The following PLA2G5 variants were observed in gnomAD, a reference collection of about 807,000 sequenced individuals.
PLA2G5 encodes the protein phospholipase A2 group V, also known as Ca2+-dependent phospholipase A2.
In PLA2G5, 12 loss-of-function variants were observed where a neutral mutation model predicts 15.9. That is an observed-to-expected ratio of 0.76 (90% confidence interval 0.48 to 1.23). The LOEUF is 1.23. Among genes scored for constraint, PLA2G5 ranks in the 50% most tolerant of loss-of-function variants. The probability of loss-of-function intolerance (pLI) is 0.00; values close to 1 mark genes in which losing one functional copy is unlikely to be tolerated. For missense variants in PLA2G5, 169 were observed against 177.1 expected (o/e 0.95, Z 0.26); for synonymous variants, 71 against 71.4 (o/e 0.99, Z 0.03).
At chr1:20,058,381 C>T (rs1275257611) in intron 1 of PLA2G5, among the ~76,000 whole-genome samples, 1 of 152,192 alleles carries the variant, frequency 6.6e-6, no homozygotes, top group Middle Eastern at 3.4e-3. Context: ...TGTAAATGCC[C>T]CTCTTTATTC....
At chr1:20,030,685 T>C (rs1253315340) in intron 1 of PLA2G5, among the ~76,000 whole-genome samples, 1 of 152,090 alleles carries the variant, frequency 6.6e-6, no homozygotes, top group Admixed American at 6.5e-5. Context: ...CCTTGGACAA[T>C]ACCCAGGCTT....
chr1:20,061,377 G>A (rs1293796956), intron 2 of PLA2G5, among the ~76,000 whole-genome samples: 2 of 152,020 alleles, frequency 1.3e-5, no homozygotes, highest in Non-Finnish European at 2.9e-5. Context: ...TTGAGCTCAG[G>A]AGTTCGAGAT....
intron 3 of PLA2G5, among the ~76,000 whole-genome samples, chr1:20,087,164 T>C (rs768231669): frequency 5.3e-5 from 8 of 152,258 alleles, no homozygotes; most frequent in Non-Finnish European, 1.0e-4. Flanking sequence ...ATCATGGATA[T>C]ATTAGTATCA....
intron 1 of PLA2G5, chr1:20,070,990 T>C (rs7548263): frequency 6.6e-6 from 1 of 152,152 alleles, no homozygotes; most frequent in African/African-American, 2.4e-5. Flanking sequence ...TTCCTCCATC[T>C]CTCCCTCTCT....
At chr1:20,062,770 G>A (rs2014800261) in intron 2 of PLA2G5, among the ~76,000 whole-genome samples, 1 of 152,134 alleles carries the variant, frequency 6.6e-6, no homozygotes, top group Non-Finnish European at 1.5e-5. Context: ...TTGGGTGATG[G>A]ACTGGATGAA....
At chr1:20,050,440 C>A (rs2014127276) in intron 1 of PLA2G5, among the ~76,000 whole-genome samples, 1 of 152,164 alleles carries the variant, frequency 6.6e-6, no homozygotes, top group South Asian at 2.1e-4. Flanking sequence ...AAAATAAGTT[C>A]AGTTTCTCTA....
rs533509226 is a variant in PLA2G5, at chr1:20,030,149, C to T, written n.276+1440C>T. Among the ~76,000 whole-genome samples the T allele has an allele frequency of 6.7e-4, 102 of 151,420 alleles. 1 individual carries two copies. The highest frequency in any genetic ancestry group is 2.3e-3 in the African/African-American group (97 of 41,296). On this transcript the variant is annotated intron_variant and non_coding_transcript_variant, in intron 1 of 6. Coordinates refer to the PLA2G5 transcript ENST00000460175. ...GAGAAGAGTGGACCCAGGGGACCAGCGCTTAGCATACGAAGGACCAGCGCT... is the reference window on the plus strand; with the variant it reads ...GAGAAGAGTGGACCCAGGGGACCAGTGCTTAGCATACGAAGGACCAGCGCT...
chr1:20,075,648 C>G (rs1388161068), intron 1 of PLA2G5, among the ~76,000 whole-genome samples: 1 of 152,082 alleles, frequency 6.6e-6, no homozygotes, highest in East Asian at 1.9e-4. Flanking sequence ...TGAGGGCTGA[C>G]CAGTGATTCC....
At chr1:20,048,759 T>C (rs1394939718) in intron 1 of PLA2G5, among the ~76,000 whole-genome samples, 1 of 152,190 alleles carries the variant, frequency 6.6e-6, no homozygotes, top group Admixed American at 6.5e-5. Context: ...GTTCCATAAG[T>C]TTAAATGATG....
intron 1 of PLA2G5, among the ~76,000 whole-genome samples, chr1:20,048,146 A>T (rs1404940725): frequency 2.0e-5 from 3 of 152,198 alleles, no homozygotes; most frequent in Non-Finnish European, 2.9e-5. Flanking sequence ...TAATTGGCTT[A>T]AGAAAATAAA....
chr1:20,029,275 T>C (rs1453358006), intron 1 of PLA2G5, among the ~76,000 whole-genome samples: 1 of 152,146 alleles, frequency 6.6e-6, no homozygotes, highest in Non-Finnish European at 1.5e-5. Flanking sequence ...GCTGTTTTGG[T>C]GGCCTGCCAG....
At chr1:20,040,170 C>A (rs1178610542) in intron 1 of PLA2G5, among the ~76,000 whole-genome samples, 2 of 152,154 alleles carry the variant, frequency 1.3e-5, no homozygotes, top group Non-Finnish European at 1.5e-5. Context: ...CTTTACTATA[C>A]CCTTTGCTAT....
chr1:20,076,227 C>A (rs1311995519), intron 1 of PLA2G5, among the ~76,000 whole-genome samples: 1 of 151,990 alleles, frequency 6.6e-6, no homozygotes, highest in Non-Finnish European at 1.5e-5. Context: ...GCAGCTAATT[C>A]CATTTTGTTT....
intron 1 of PLA2G5, among the ~76,000 whole-genome samples, chr1:20,051,842 T>C (rs1431173240): frequency 6.6e-6 from 1 of 152,160 alleles, no homozygotes; most frequent in African/African-American, 2.4e-5. Flanking sequence ...AATGACAGTT[T>C]CTGACAGGCC....
chr1:20,059,431 A>G (rs1488674371), intron 1 of PLA2G5, among the ~76,000 whole-genome samples: 4 of 151,936 alleles, frequency 2.6e-5, no homozygotes, highest in African/African-American at 7.3e-5. Flanking sequence ...TAAAAAAAAA[A>G]AGAGAGAGAG....
intron 1 of PLA2G5, among the ~76,000 whole-genome samples, chr1:20,035,949 T>C (rs2013228089): frequency 6.6e-6 from 1 of 152,238 alleles, no homozygotes; most frequent in Non-Finnish European, 1.5e-5. Flanking sequence ...GCAAATTCTC[T>C]CAGCATTTGT....
intron 2 of PLA2G5, among the ~76,000 whole-genome samples, chr1:20,085,385 T>TC (rs530578709): frequency 6.5e-4 from 99 of 152,196 alleles, no homozygotes; most frequent in African/African-American, 2.1e-3. Context: ...CTCCTTGATG[T>TC]CTTGCTAGAT....
At chr1:20,066,683 A>C (rs887145884), upstream of PLA2G5, among the ~76,000 whole-genome samples, 2 of 152,082 alleles carry the variant, frequency 1.3e-5, no homozygotes, top group African/African-American at 4.8e-5. Context: ...GTACATATGT[A>C]AGATATTGGT....
At position 20,033,578 on chromosome 1, in the gene PLA2G5, C is replaced by T. The variant is rs1439334726; in HGVS notation, n.276+4869C>T. Among the ~76,000 whole-genome samples the T allele has an allele frequency of 2.0e-5, 3 of 152,152 alleles. 1 individual carries two copies. Among genetic ancestry groups the T allele is most frequent in the African/African-American group, 7.2e-5 (3 of 41,428 alleles). On this transcript the variant is annotated intron_variant and non_coding_transcript_variant, in intron 1 of 6. Coordinates refer to the PLA2G5 transcript ENST00000460175. ...CTCTGGGGCCAGCAATGTGGCCACA[C>T]CCAATATTTTTAGGCAGAGTTGCCA...
Sources: allele counts gnomAD v4.1 joint callset (sites outside exome capture counted in the v4.1 genomes callset), GRCh38; gene constraint gnomAD v4.1.1; transcripts MANE v1.5; gene names NCBI Gene and HGNC (gene_info 2026-07-23, HGNC 2026-07-21).